The following SLIT3 variants were observed in gnomAD, a reference collection of about 807,000 sequenced individuals.
SLIT3 encodes the protein slit guidance ligand 3, also known as slit homolog 3 protein.
SLIT3 carries 68 observed loss-of-function variants against 184.0 expected under a neutral mutation model. The observed-to-expected ratio is 0.37, with a 90% CI of 0.30 to 0.45. SLIT3 has a LOEUF of 0.45. Ranked by LOEUF, SLIT3 falls within the 20% of genes least tolerant of loss-of-function variation. The pLI is 1.00. For synonymous variants in SLIT3, 831 were observed against 828.6 expected, an observed-to-expected ratio of 1.00 and a Z score of -0.05; for missense variants, 1,707 against 2,026.0, an observed-to-expected ratio of 0.84 and a Z score of 3.02.
At chr5:169,234,296 C>T (rs549485168) in intron 3 of SLIT3, among the ~76,000 whole-genome samples, 2 of 152,160 alleles carry the variant, frequency 1.3e-5, no homozygotes, top group South Asian at 2.1e-4. Flanking sequence ...ACTCTCATTC[C>T]ACAGAATTCC....
At chr5:169,173,399 C>A (rs918019556) in intron 4 of SLIT3, among the ~76,000 whole-genome samples, 1 of 152,096 alleles carries the variant, frequency 6.6e-6, no homozygotes, top group African/African-American at 2.4e-5. Context: ...GAAAGGAGTA[C>A]GTAAGGAGTG....
intron 1 of SLIT3, among the ~76,000 whole-genome samples, chr5:169,260,002 C>A (rs1581111692): frequency 6.6e-6 from 1 of 152,224 alleles, no homozygotes; most frequent in East Asian, 1.9e-4. Flanking sequence ...CCTGAATAAA[C>A]CTTTCAATGT....
intron 1 of SLIT3, among the ~76,000 whole-genome samples, chr5:169,296,294 G>A (rs540420401): frequency 3.9e-5 from 6 of 152,222 alleles, no homozygotes; most frequent in East Asian, 1.9e-4. Context: ...CTAGGGAGGC[G>A]GATACTTACA....
At chr5:169,159,683 G>A (rs1762417335) in intron 4 of SLIT3, among the ~76,000 whole-genome samples, 1 of 152,056 alleles carries the variant, frequency 6.6e-6, no homozygotes, top group African/African-American at 2.4e-5. Flanking sequence ...GGCTGAGGCA[G>A]AAGAATGGCG....
At chr5:168,725,185 CCTT>C (rs1763069553) in intron 20 of SLIT3, among the ~76,000 whole-genome samples, 1 of 152,126 alleles carries the variant, frequency 6.6e-6, no homozygotes, top group African/African-American at 2.4e-5. Flanking sequence ...GATGGGGACT[CCTT>C]CTGGACATGC....
intron 5 of SLIT3, among the ~76,000 whole-genome samples, chr5:168,855,269 G>T (rs945305888): frequency 6.6e-6 from 1 of 152,232 alleles, no homozygotes; most frequent in Non-Finnish European, 1.5e-5. Flanking sequence ...CATAGCTGGA[G>T]GGAATGTAAA....
intron 4 of SLIT3, among the ~76,000 whole-genome samples, chr5:169,056,904 C>G (rs989308762): frequency 6.6e-6 from 1 of 152,214 alleles, no homozygotes; most frequent in African/African-American, 2.4e-5. Flanking sequence ...CCCCCACAAG[C>G]TGTGTGACCT....
intron 4 of SLIT3, among the ~76,000 whole-genome samples, chr5:168,912,248 A>G (rs1761275359): frequency 7.4e-6 from 1 of 135,786 alleles, no homozygotes; most frequent in Non-Finnish European, 1.6e-5. Flanking sequence ...TGTATTATAC[A>G]TACAACAAAC....
chr5:169,204,232 G>A (rs1763991936), intron 3 of SLIT3, among the ~76,000 whole-genome samples: 1 of 152,136 alleles, frequency 6.6e-6, no homozygotes, highest in African/African-American at 2.4e-5. Context: ...GCCAACTTCT[G>A]CTGAGACACA....
At chr5:169,188,995 A>C (rs1309608339) in intron 4 of SLIT3, among the ~76,000 whole-genome samples, 1 of 152,202 alleles carries the variant, frequency 6.6e-6, no homozygotes, top group African/African-American at 2.4e-5. Context: ...GATCTACGTC[A>C]GGATGGCAGG....
intron 4 of SLIT3, among the ~76,000 whole-genome samples, chr5:169,090,666 G>A (rs1759547735): frequency 6.6e-6 from 1 of 152,222 alleles, no homozygotes; most frequent in Admixed American, 6.5e-5. Context: ...AAGAGAGACT[G>A]AAGCTGGGTT....
intron 1 of SLIT3, among the ~76,000 whole-genome samples, chr5:169,261,641 T>C (rs1478133582): frequency 6.6e-6 from 1 of 152,110 alleles, no homozygotes. Context: ...TGGCTAAGGA[T>C]AGACAGTAAA....
At chr5:169,123,204 A>C (rs1017320568) in intron 4 of SLIT3, among the ~76,000 whole-genome samples, 1 of 152,196 alleles carries the variant, frequency 6.6e-6, no homozygotes, top group Non-Finnish European at 1.5e-5. Flanking sequence ...TTTGTAAAGA[A>C]TCTCTATCAG....
At chr5:168,836,885 C>T (rs1270118175) in intron 6 of SLIT3, among the ~76,000 whole-genome samples, 1 of 152,118 alleles carries the variant, frequency 6.6e-6, no homozygotes, top group Non-Finnish European at 1.5e-5. Context: ...GTGAAATCAA[C>T]TAGAAAACCA....
chr5:169,049,924 G>A (rs1194842037), intron 4 of SLIT3, among the ~76,000 whole-genome samples: 1 of 152,158 alleles, frequency 6.6e-6, no homozygotes, highest in Non-Finnish European at 1.5e-5. Context: ...ATCTTTACTA[G>A]GGAGGTGCTG....
At chr5:168,801,743 T>G (rs1304439615) in intron 9 of SLIT3, among the ~76,000 whole-genome samples, 1 of 151,902 alleles carries the variant, frequency 6.6e-6, no homozygotes, top group Non-Finnish European at 1.5e-5. Context: ...ACCGACAGGG[T>G]GCAGTGAGAA....
At chr5:168,998,605 G>A (rs979839696) in intron 4 of SLIT3, among the ~76,000 whole-genome samples, 3 of 152,078 alleles carry the variant, frequency 2.0e-5, no homozygotes, top group Admixed American at 6.5e-5. Context: ...TCAGGAGGCC[G>A]AGGCAGGAGA....
chr5:168,825,841 T>C (rs1581120961), intron 6 of SLIT3, among the ~76,000 whole-genome samples: 1 of 152,204 alleles, frequency 6.6e-6, no homozygotes, highest in Non-Finnish European at 1.5e-5. Context: ...CCCTTCTTCA[T>C]TGGATTAGAA....
At chr5:168,966,137 G>A (rs573155068) in intron 4 of SLIT3, among the ~76,000 whole-genome samples, 2 of 152,176 alleles carry the variant, frequency 1.3e-5, no homozygotes, top group South Asian at 2.1e-4. Context: ...TGTGCCAGAT[G>A]TAAGAATTAA....
Sources: allele counts gnomAD v4.1 joint callset (sites outside exome capture counted in the v4.1 genomes callset), GRCh38; gene constraint gnomAD v4.1.1; transcripts MANE v1.5; gene names NCBI Gene and HGNC (gene_info 2026-07-23, HGNC 2026-07-21).